Variants in ALPK3 observed in about 807,000 individuals in gnomAD.
ALPK3 encodes the protein alpha-protein kinase 3.
ALPK3 carries 102 observed loss-of-function variants against 140.0 expected under a neutral mutation model. That is an observed-to-expected ratio of 0.73 (90% CI 0.62 to 0.86). The LOEUF is 0.86. ALPK3 is among the 40% of genes least tolerant of loss of function. ALPK3 has a pLI of 0.00. For missense variants in ALPK3, 2,254 were observed against 2,208.2 expected (o/e 1.02, Z -0.42); for synonymous variants, 938 against 898.5 (o/e 1.04, Z -0.79).
Position 84,857,586 on chromosome 15 carries a change from C to A in ALPK3, c.2848C>A (p.Arg950=). ...PDVEGRTPGP[R]SCDPGLIDSL... ...TGTGGAGGGGCGGACCCCAGGTCCC[C>A]GGAGCTGTGACCCTGGCCTCATAGA... The change falls in exon 6 of 14, where the codon CGG becomes AGG. Residue 950 remains arginine, a synonymous_variant. Coordinates refer to ENST00000258888, the MANE Select transcript of ALPK3 (RefSeq NM_020778.5). The A allele has an allele frequency of 6.4e-7, 1 of 1,573,224 alleles. No homozygotes were observed. Among genetic ancestry groups the A allele is most frequent in the Non-Finnish European group, 8.6e-7 (1 of 1,158,034 alleles).
At chr15:84,821,221 C>T (rs913150181) in intron 1 of ALPK3, among the ~76,000 whole-genome samples, 4 of 152,286 alleles carry the variant, frequency 2.6e-5, no homozygotes, top group Middle Eastern at 3.4e-3. Context: ...CAGGTGCCTC[C>T]ATTAGTTCAG....
At chr15:84,850,877 TATACACACACACAC>T (rs1963794648) in intron 5 of ALPK3, among the ~76,000 whole-genome samples, 1 of 90,344 alleles carries the variant, frequency 1.1e-5, no homozygotes, top group South Asian at 3.1e-4. Context: ...CAGTTCCAGA[TATACACACACACAC>T]ACACACACAC....
intron 5 of ALPK3, among the ~76,000 whole-genome samples, chr15:84,854,079 C>T (rs1963834887): frequency 6.6e-6 from 1 of 151,808 alleles, no homozygotes; most frequent in Admixed American, 6.6e-5. Flanking sequence ...ACTTAATTTA[C>T]ATATATTTTA....
intron 2 of ALPK3, among the ~76,000 whole-genome samples, chr15:84,824,435 AT>A (rs1963462410): frequency 2.0e-5 from 3 of 152,228 alleles, no homozygotes; most frequent in Non-Finnish European, 4.4e-5. Context: ...CCAGACTCTG[AT>A]AGTTTTGGGG....
chr15:84,826,041 G>A (rs180673667), intron 2 of ALPK3, among the ~76,000 whole-genome samples: 6 of 152,242 alleles, frequency 3.9e-5, no homozygotes, highest in East Asian at 3.9e-4. Flanking sequence ...TGATCTTTGT[G>A]GGGGAGGGCC....
chr15:84,865,030 C>T lies in ALPK3; in HGVS notation c.4723+365C>T, dbSNP rs60747655. On this transcript the variant is annotated intron_variant, in intron 12 of 13. Coordinates refer to ENST00000258888, the MANE Select transcript of ALPK3 (RefSeq NM_020778.5). ...CCTGCAGCTTTGCTCTAGACTTTCT[C>T]ACTCTCCAAGCTTCCCAAACTCTCC... Among the ~76,000 whole-genome samples, 528 of 152,304 alleles carry T rather than the reference C, an allele frequency of 3.5e-3. 5 individuals carry two copies. The highest frequency in any genetic ancestry group is 0.012 in the African/African-American group (487 of 41,558).
chr15:84,867,148 C>A (rs1328878702), intron 12 of ALPK3, among the ~76,000 whole-genome samples, 169 bp from the exon 13 acceptor site: 4 of 151,792 alleles, frequency 2.6e-5, no homozygotes, highest in African/African-American at 9.7e-5. Flanking sequence ...GAAGACACAC[C>A]TGCACTGACA....
chr15:84,831,868 G>T (rs918790348), intron 3 of ALPK3, among the ~76,000 whole-genome samples: 1 of 152,160 alleles, frequency 6.6e-6, no homozygotes, highest in Non-Finnish European at 1.5e-5. Flanking sequence ...CCTTCCTCTT[G>T]AACTTGCTAG....
At chr15:84,842,427 A>G (rs1356007461) in intron 5 of ALPK3, among the ~76,000 whole-genome samples, 1 of 152,308 alleles carries the variant, frequency 6.6e-6, no homozygotes, top group East Asian at 1.9e-4. Flanking sequence ...AGGATAGAGG[A>G]AGCAGTTATA....
intron 3 of ALPK3, among the ~76,000 whole-genome samples, chr15:84,829,713 T>C (rs909519478): frequency 2.0e-5 from 3 of 152,128 alleles, no homozygotes; most frequent in African/African-American, 7.2e-5. Flanking sequence ...GCATCTTAAA[T>C]CTCCACCCAG....
chr15:84,838,846 T>C, intron 3 of ALPK3, 134 bp from the exon 4 acceptor site: 2 of 664,728 alleles, frequency 3.0e-6, no homozygotes, highest in Non-Finnish European at 2.6e-6. Context: ...GGTCTTAAAC[T>C]CCTGACCTCA....
chr15:84,826,456 G>T (rs1963490388), intron 2 of ALPK3, among the ~76,000 whole-genome samples: 1 of 152,108 alleles, frequency 6.6e-6, no homozygotes, highest in African/African-American at 2.4e-5. Flanking sequence ...AATGGGATGT[G>T]TGCCTGGGGA....
chr15:84,851,346 T>C (rs1235019587), intron 5 of ALPK3, among the ~76,000 whole-genome samples: 1 of 152,194 alleles, frequency 6.6e-6, no homozygotes, highest in Non-Finnish European at 1.5e-5. Flanking sequence ...ACCCAAGAGA[T>C]GAACCTGGAG....
intron 3 of ALPK3, among the ~76,000 whole-genome samples, chr15:84,829,719 C>A (rs1311255677): frequency 1.3e-5 from 2 of 152,186 alleles, no homozygotes; most frequent in Non-Finnish European, 1.5e-5. Context: ...TAAATCTCCA[C>A]CCAGGGGTGT....
At chr15:84,847,208 G>GAGAGAGAGAGAGAGAGAGAGAGA (rs373039929) in intron 5 of ALPK3, among the ~76,000 whole-genome samples, 8 of 116,640 alleles carry the variant, frequency 6.9e-5, no homozygotes, top group East Asian at 2.5e-4. Context: ...GGAGAAACGG[G>GAGAGAGAGAGAGAGAGAGAGAGA]GAGAGAGAGA....
At chr15:84,824,216 C>T (rs1963460285) in intron 2 of ALPK3, among the ~76,000 whole-genome samples, 1 of 152,184 alleles carries the variant, frequency 6.6e-6, no homozygotes, top group African/African-American at 2.4e-5. Flanking sequence ...TCAGAGAATA[C>T]CACGTTAATG....
In ALPK3 at chr15:84,839,832, T is replaced by C. The variant is rs1963636440; in HGVS notation, c.553T>C (p.Leu185=). The stretch of plus-strand genomic sequence containing the variant: ...GATCCACCAGCGCTGGTTCGCCAAG[T>C]TGAAGCGCAAGGCTGCGGCAAAGCT... The part of the protein sequence containing the change: ...YKIHQRWFAK[L]KRKAAAKLRE... The change falls in exon 5 of 14, where the codon TTG becomes CTG. Residue 185 remains leucine, a synonymous_variant. Transcript: ENST00000258888. 1.2e-6 allele frequency: 2 copies of C among 1,614,102 alleles called. No individual in the cohort carries two copies. The highest frequency in any genetic ancestry group is 1.7e-6 in the Non-Finnish European group (2 of 1,180,032).
At chr15:84,835,923 A>G (rs1011278330) in intron 3 of ALPK3, among the ~76,000 whole-genome samples, 1 of 152,268 alleles carries the variant, frequency 6.6e-6, no homozygotes, top group Non-Finnish European at 1.5e-5. Context: ...ACAGCAGTGA[A>G]TAACACAGAT....
Position 84,840,537 on chromosome 15 carries a change from C to T in ALPK3, c.1258C>T (p.Leu420=). 6.2e-7 allele frequency: 1 copy of T among 1,604,750 alleles called. No homozygotes were observed. Among genetic ancestry groups the T allele is most frequent in the East Asian group, 2.2e-5 (1 of 44,830 alleles). Residue 420 remains leucine (L), a synonymous_variant, in exon 5 of 14, where the codon CTG becomes TTG. Coordinates refer to ENST00000258888, the MANE Select transcript of ALPK3 (RefSeq NM_020778.5). ...EVYFSLKDMY[L]ENTQAVRPLG... The stretch of plus-strand genomic sequence containing the variant: ...GTATTTCTCCTTGAAGGACATGTAC[C>T]TGGAGAACACCCAGGCAGTCAGGCC...
Sources: allele counts gnomAD v4.1 joint callset (sites outside exome capture counted in the v4.1 genomes callset), GRCh38; gene constraint gnomAD v4.1.1; transcripts MANE v1.5; gene names NCBI Gene and HGNC (gene_info 2026-07-23, HGNC 2026-07-21).